Variants in SGCZ observed in about 807,000 individuals in gnomAD.
SGCZ encodes the protein zeta-sarcoglycan.
A neutral mutation model predicts 41.3 loss-of-function variants in SGCZ; 40 were observed. That is an observed-to-expected ratio of 0.97 (90% CI 0.75 to 1.26). The LOEUF (loss-of-function observed/expected upper bound fraction) is 1.26, where lower values mean the gene tolerates loss of function less well. Ranked by LOEUF, SGCZ falls within the 50% of genes most tolerant of loss-of-function variation. SGCZ has a pLI of 0.00. For missense variants in SGCZ, 552 were observed against 369.8 expected, an observed-to-expected ratio of 1.49 and a Z score of -4.04; for synonymous variants, 206 against 137.5, an observed-to-expected ratio of 1.50 and a Z score of -3.49.
At chr8:14,769,926 A>G (rs1200985529) in intron 1 of SGCZ, among the ~76,000 whole-genome samples, 1 of 151,542 alleles carries the variant, frequency 6.6e-6, no homozygotes, top group African/African-American at 2.4e-5. Context: ...TGCTGCAGGC[A>G]TAAAGATGCA....
At chr8:14,615,059 T>A (rs1806054759) in intron 1 of SGCZ, among the ~76,000 whole-genome samples, 1 of 152,200 alleles carries the variant, frequency 6.6e-6, no homozygotes, top group African/African-American at 2.4e-5. Flanking sequence ...AAAGTGAATT[T>A]TGTGAAAGTT....
chr8:14,418,239 C>G (rs535855050), intron 2 of SGCZ, among the ~76,000 whole-genome samples: 1 of 152,010 alleles, frequency 6.6e-6, no homozygotes, highest in South Asian at 2.1e-4. Flanking sequence ...TCTATCATGA[C>G]TTGGGCTATT....
At chr8:14,395,968 G>A (rs1281654975) in intron 2 of SGCZ, among the ~76,000 whole-genome samples, 1 of 152,180 alleles carries the variant, frequency 6.6e-6, no homozygotes, top group African/African-American at 2.4e-5. Context: ...GAGTTAAAGT[G>A]AAGTCATCAT....
rs138355112 is a variant in SGCZ at position 15,084,196 on chromosome 8, T to C, written c.39+153389A>G. Among the ~76,000 whole-genome samples, 649 of 152,328 alleles carry C rather than the reference T, an allele frequency of 4.3e-3. 10 individuals are homozygous for C. Among genetic ancestry groups the C allele is most frequent in the Admixed American group, 0.029 (448 of 15,294 alleles). ...TCTGTTAATGTTCTTCAGATCAATA[T>C]TGTCCGTGGTCACTGTTCTATGTCC... On this transcript the variant is annotated intron_variant, in intron 1 of 7. Transcript: ENST00000382080.
intron 1 of SGCZ, among the ~76,000 whole-genome samples, chr8:14,642,333 C>T (rs76314009): frequency 0.11 from 16,387 of 151,474 alleles, 1,046 homozygotes; most frequent in African/African-American, 0.19. Context: ...AAGAACTATA[C>T]CATCTCCTTG....
chr8:14,910,031 C>T (rs1799236538), intron 1 of SGCZ, among the ~76,000 whole-genome samples: 1 of 152,026 alleles, frequency 6.6e-6, no homozygotes, highest in Non-Finnish European at 1.5e-5. Context: ...ACTTATGTCC[C>T]CCACCCTGTG....
intron 1 of SGCZ, among the ~76,000 whole-genome samples, chr8:14,780,572 A>T (rs1021672889): frequency 3.3e-5 from 5 of 152,130 alleles, no homozygotes; most frequent in Admixed American, 6.6e-5. Flanking sequence ...GAATGAAAAA[A>T]ATACTGAAGT....
intron 2 of SGCZ, among the ~76,000 whole-genome samples, chr8:14,418,482 T>C (rs1293129586): frequency 1.3e-5 from 2 of 151,936 alleles, no homozygotes; most frequent in African/African-American, 4.8e-5. Flanking sequence ...TACACATTTC[T>C]GAAAAACTGC....
At chr8:15,171,051 T>C (rs1473817140) in intron 1 of SGCZ, among the ~76,000 whole-genome samples, 1 of 152,142 alleles carries the variant, frequency 6.6e-6, no homozygotes, top group Non-Finnish European at 1.5e-5. Context: ...ATATAAATAA[T>C]GAAGAACAAT....
At chr8:14,246,755 A>G (rs1350238173) in intron 3 of SGCZ, among the ~76,000 whole-genome samples, 2 of 151,638 alleles carry the variant, frequency 1.3e-5, no homozygotes, top group Non-Finnish European at 2.9e-5. Flanking sequence ...AAAATACAAT[A>G]AGAAATTAGC....
At chr8:14,194,925 TG>T (rs767274445) in intron 4 of SGCZ, among the ~76,000 whole-genome samples, 3 of 152,066 alleles carry the variant, frequency 2.0e-5, no homozygotes, top group African/African-American at 4.8e-5. Flanking sequence ...TGCTATGATC[TG>T]CCAAAGAAAC....
chr8:14,693,832 T>A (rs1808877830), intron 1 of SGCZ, among the ~76,000 whole-genome samples: 1 of 152,028 alleles, frequency 6.6e-6, no homozygotes. Flanking sequence ...CCTCAGGTGA[T>A]CCGCCCACCT....
intron 7 of SGCZ, among the ~76,000 whole-genome samples, chr8:14,099,167 A>T (rs1169279440): frequency 6.6e-6 from 1 of 152,210 alleles, no homozygotes. Flanking sequence ...TCCTGCACCT[A>T]CCTAGATTTG....
intron 2 of SGCZ, among the ~76,000 whole-genome samples, chr8:14,539,507 G>GT (rs1397665564): frequency 6.6e-6 from 1 of 151,702 alleles, no homozygotes; most frequent in Non-Finnish European, 1.5e-5. Context: ...TCCAGCAACT[G>GT]TTTTTTTGTT....
chr8:14,713,901 T>G (rs1432426240), intron 1 of SGCZ, among the ~76,000 whole-genome samples: 1 of 152,166 alleles, frequency 6.6e-6, no homozygotes, highest in Non-Finnish European at 1.5e-5. Flanking sequence ...CTTACGATAT[T>G]TTTTAAACCT....
chr8:14,320,792 G>T (rs967856841), intron 3 of SGCZ, among the ~76,000 whole-genome samples: 3 of 152,072 alleles, frequency 2.0e-5, no homozygotes, highest in African/African-American at 7.2e-5. Context: ...ATCAGTGGCA[G>T]TGGTGAGATA....
At chr8:15,032,063 C>G (rs1311384411) in intron 1 of SGCZ, among the ~76,000 whole-genome samples, 1 of 152,056 alleles carries the variant, frequency 6.6e-6, no homozygotes, top group Non-Finnish European at 1.5e-5. Flanking sequence ...TGATTTTGCA[C>G]AAACAACTTC....
intron 1 of SGCZ, among the ~76,000 whole-genome samples, chr8:15,226,357 C>T (rs1236163053): frequency 6.6e-6 from 1 of 152,182 alleles, no homozygotes; most frequent in Non-Finnish European, 1.5e-5. Context: ...TTAAGCATAA[C>T]TCATGGCTCC....
chr8:14,600,035 A>G (rs1413667188), intron 1 of SGCZ, among the ~76,000 whole-genome samples: 2 of 152,206 alleles, frequency 1.3e-5, no homozygotes, highest in Non-Finnish European at 2.9e-5. Context: ...ATCCTCAGCA[A>G]GGAAGCAAAG....
Sources: allele counts gnomAD v4.1 joint callset (sites outside exome capture counted in the v4.1 genomes callset), GRCh38; gene constraint gnomAD v4.1.1; transcripts MANE v1.5; gene names NCBI Gene and HGNC (gene_info 2026-07-23, HGNC 2026-07-21).